Variants in MYH14 observed in about 807,000 individuals in gnomAD.
The protein encoded by MYH14 is myosin heavy chain 14, also known as myosin-14.
Under a neutral mutation model 255.5 loss-of-function variants are expected in MYH14, and 123 were observed. The ratio of observed to expected loss-of-function variants is 0.48; its 90% confidence interval spans 0.42 to 0.56. The LOEUF is 0.56. Among genes scored for constraint, MYH14 ranks in the 20% least tolerant of loss-of-function variants. The pLI is 0.00. For synonymous variants in MYH14, 1,095 were observed against 1,161.2 expected, an observed-to-expected ratio of 0.94 and a Z score of 1.16; for missense variants, 2,423 against 2,802.3, an observed-to-expected ratio of 0.86 and a Z score of 3.06.
Position 50,276,830 on chromosome 19 carries a change from G to A in MYH14, c.3754G>A (p.Val1252Met). 1 of 1,613,010 alleles carries A rather than the reference G, an allele frequency of 6.2e-7. No homozygotes were observed. The highest frequency in any genetic ancestry group is 8.5e-7 in the Non-Finnish European group (1 of 1,179,872). ...GGAGACTCGCATCCACGAGGCGGCA[G>A]TGCAGGAGCTGAGGCAGCGCCACGG... ...EEETRIHEAA[V>M]QELRQRHGQA... The change falls in exon 29 of 43, where the codon GTG becomes ATG. Residue 1252 changes from valine (V) to methionine (M), a missense_variant. Coordinates refer to ENST00000642316, the MANE Select transcript of MYH14 (RefSeq NM_001145809.2). The surrounding 1 kb of genome is among the most constrained non-coding windows in gnomAD (Gnocchi z 4.3).
At position 50,255,324 on chromosome 19, in the gene MYH14, T is replaced by C; in HGVS notation, c.2044+6T>C. 1 of 1,549,148 alleles carries C rather than the reference T, an allele frequency of 6.5e-7. No homozygotes were observed. Among genetic ancestry groups the C allele is most frequent in the Non-Finnish European group, 8.7e-7 (1 of 1,145,504 alleles). ...TGCTATTTCTCCGCCAGGGGGTGGG[T>C]GTCTCTGTGCATCGATGGGTGAGGC... On this transcript the variant is annotated splice_donor_region_variant and intron_variant, in intron 17 of 42. Transcript: ENST00000642316.
chr19:50,300,618 A>C (rs1211238398), intron 39 of MYH14, among the ~76,000 whole-genome samples: 5 of 151,692 alleles, frequency 3.3e-5, no homozygotes, highest in African/African-American at 1.2e-4. Context: ...TTGTGGTGGC[A>C]GGCACCTGTA....
intron 11 of MYH14, among the ~76,000 whole-genome samples, chr19:50,245,718 T>G (rs894363406): frequency 6.6e-6 from 1 of 152,192 alleles, no homozygotes; most frequent in African/African-American, 2.4e-5. Context: ...CAGGATGTAT[T>G]ACCCCACTAT....
In MYH14 at chr19:50,244,236, C is replaced by A. The variant is rs1415454113; in HGVS notation, c.1115-6C>A. On this transcript the variant is annotated splice_polypyrimidine_tract_variant and splice_region_variant and intron_variant, in intron 10 of 42. Coordinates refer to ENST00000642316, the MANE Select transcript of MYH14 (RefSeq NM_001145809.2). Reference sequence around the variant, plus strand: ...CCACACGTGACCTCTGTCCTTGCGTCCCCAGCCATGCTGCGGATGGTCTCA... The same window carrying A: ...CCACACGTGACCTCTGTCCTTGCGTACCCAGCCATGCTGCGGATGGTCTCA... 5.0e-6 allele frequency: 8 copies of A among 1,613,738 alleles called. No homozygotes were observed. The East Asian group carries it at 1.6e-4, about 31-fold the overall frequency.
At position 50,310,244 on chromosome 19, in the gene MYH14, G is replaced by A. The variant is rs2036815581; in HGVS notation, c.*454G>A. ...ACCATCTTTCTTGGCCTCTCTGAGG[G>A]TCTCTCTGTGCATCTTTTTAGGAAT... On this transcript the variant is annotated 3_prime_UTR_variant, in exon 43 of 43. Coordinates refer to ENST00000642316, the MANE Select transcript of MYH14 (RefSeq NM_001145809.2). 1 of 218,264 alleles carries A rather than the reference G, an allele frequency of 4.6e-6. No individual in the cohort carries two copies. Among genetic ancestry groups the A allele is most frequent in the South Asian group, 6.7e-5 (1 of 14,994 alleles). The allele number at this position is 218,264 out of a possible 1,614,324, so 13.5% of individuals were successfully genotyped here. A position where few individuals can be genotyped will look rare whatever the true frequency, so the allele number is the denominator to read the frequency against.
chr19:50,225,287 C>T (rs1191517592), intron 6 of MYH14, among the ~76,000 whole-genome samples: 1 of 152,180 alleles, frequency 6.6e-6, no homozygotes, highest in Non-Finnish European at 1.5e-5. Context: ...GCGTTTCTTC[C>T]TTAATTCATT....
At chr19:50,217,235 G>A (rs1327131557) in intron 2 of MYH14, among the ~76,000 whole-genome samples, 1 of 152,116 alleles carries the variant, frequency 6.6e-6, no homozygotes, top group Non-Finnish European at 1.5e-5. Flanking sequence ...GGAATGCATC[G>A]TATGAAGATG....
At chr19:50,222,877 G>C (rs1600878301) in intron 3 of MYH14, among the ~76,000 whole-genome samples, 1 of 152,200 alleles carries the variant, frequency 6.6e-6, no homozygotes, top group African/African-American at 2.4e-5. Context: ...GGCTCAGAGA[G>C]GGACAGCTGC....
In MYH14 at chr19:50,260,846, C is replaced by CGT. The variant is rs574429177; in HGVS notation, c.2424+141_2424+142dup. The CGT allele has an allele frequency of 1.1e-4, 75 of 696,410 alleles. 1 individual carries two copies. Among genetic ancestry groups the CGT allele is most frequent in the African/African-American group, 5.4e-4 (30 of 55,264 alleles). 43.1% of individuals were successfully genotyped at this position (696,410 alleles called of 1,614,324 possible). On this transcript the variant is annotated intron_variant, in intron 20 of 42. Transcript: ENST00000642316. ...AAGTGTGTGTGCATGCACGTGTGTG[C>CGT]GTGTGTGTGTGCATGCATATGTGTG...
At chr19:50,255,436 C>G in intron 17 of MYH14, 118 bp downstream of exon 17, 1 of 755,190 alleles carries the variant, frequency 1.3e-6, no homozygotes, top group Middle Eastern at 3.6e-4. Context: ...AGGTCTCTCA[C>G]TCTTCCTTTC....
chr19:50,243,611 G>C (rs372918824), intron 10 of MYH14, among the ~76,000 whole-genome samples: 1 of 152,188 alleles, frequency 6.6e-6, no homozygotes, highest in East Asian at 1.9e-4. Flanking sequence ...CTGGGCAACA[G>C]AGCAAGACCC....
Position 50,252,087 on chromosome 19 carries a change from C to A in MYH14, c.1831-552C>A, listed in dbSNP as rs1008463262. Among the ~76,000 whole-genome samples, 1 of 152,212 alleles carries A rather than the reference C, an allele frequency of 6.6e-6. No individual in the cohort carries two copies. The highest frequency in any genetic ancestry group is 1.5e-5 in the Non-Finnish European group (1 of 68,044). On this transcript the variant is annotated intron_variant, in intron 15 of 42. Transcript: ENST00000642316. This position sits in a 1 kb window ranked among gnomAD's most constrained non-coding sequence, Gnocchi z 4.2. Reference sequence around the variant, plus strand: ...GTGTTCTGTGTCTAGCCCTCAGTTTCTTCCCCAGACATACTCCAGAACTCC... The same window carrying A: ...GTGTTCTGTGTCTAGCCCTCAGTTTATTCCCCAGACATACTCCAGAACTCC...
chr19:50,249,198 T>A, intron 13 of MYH14, 59 bp downstream of exon 13: 1 of 1,497,152 alleles, frequency 6.7e-7, no homozygotes, highest in Non-Finnish European at 9.0e-7. Context: ...TGGTCCTTTC[T>A]GAAGCCCTGG....
In MYH14 at chr19:50,230,847, G is replaced by A; in HGVS notation, c.973+224G>A. 1 of 528,484 alleles carries A rather than the reference G, an allele frequency of 1.9e-6. No individual in the cohort carries two copies. Among genetic ancestry groups the A allele is most frequent in the Non-Finnish European group, 3.4e-6 (1 of 294,974 alleles). 32.7% of individuals were successfully genotyped at this position (528,484 alleles called of 1,614,324 possible). A position where few individuals can be genotyped will look rare whatever the true frequency, so the allele number is the denominator to read the frequency against. On this transcript the variant is annotated intron_variant, in intron 9 of 42. Transcript: ENST00000642316. The surrounding 1 kb of genome is among the most constrained non-coding windows in gnomAD (Gnocchi z 4.7). Reference sequence around the variant, plus strand: ...CAGCTCTGTCCCGGGTCTGGCTCGCGCCCGCTGTCACGGCCACGCAGCCCC... The same window carrying A: ...CAGCTCTGTCCCGGGTCTGGCTCGCACCCGCTGTCACGGCCACGCAGCCCC...
chr19:50,224,063 C>T, intron 5 of MYH14, 91 bp from the exon 6 acceptor site: 3 of 1,082,102 alleles, frequency 2.8e-6, no homozygotes, highest in Non-Finnish European at 2.8e-6. Flanking sequence ...CCCCCCATGC[C>T]ACCACCTGAG....
At chr19:50,225,085 A>G (rs965438561) in intron 6 of MYH14, among the ~76,000 whole-genome samples, 3 of 152,218 alleles carry the variant, frequency 2.0e-5, no homozygotes, top group Non-Finnish European at 4.4e-5. Flanking sequence ...CAGAATTTCT[A>G]CAAGCAACAC....
chr19:50,239,208 G>A (rs539131543), intron 10 of MYH14, among the ~76,000 whole-genome samples: 2 of 152,110 alleles, frequency 1.3e-5, no homozygotes, highest in South Asian at 4.1e-4. Context: ...TAGCAGAGAC[G>A]GGGTTTCTCC....
chr19:50,300,579 T>C lies in MYH14; in HGVS notation c.5470-1082T>C, dbSNP rs907945472. ...GCCTGACCAACATGGAGAAACCCCA[T>C]CTCTACAAAAAATACAAAAATTAGC... is the stretch of plus-strand genomic sequence containing the variant. On this transcript the variant is annotated intron_variant, in intron 39 of 42. Transcript: ENST00000642316. Among the ~76,000 whole-genome samples the C allele has an allele frequency of 2.6e-5, 4 of 152,012 alleles. No individual in the cohort carries two copies. The East Asian group carries it at 5.8e-4, about 22-fold the overall frequency.
In MYH14 at chr19:50,247,030, G is replaced by A. The variant is rs1035774765; in HGVS notation, c.1237G>A (p.Gly413Arg). ...TGCACAGAAGCTCTGCCGCCTCTTG[G>A]GACTGGGGGTGACGGATTTCTCCCG... Reference protein sequence around the residue: ...TAAQKLCRLLGLGVTDFSRAL... With the variant: ...TAAQKLCRLLRLGVTDFSRAL... The change falls in exon 12 of 43, where the codon GGA (glycine) becomes AGA (arginine). Residue 413 changes from glycine to arginine, a missense_variant. Physicochemically the swap from Gly to Arg is moderately radical, Grantham distance 125. Around this residue, in one of 3 missense-constraint regions of MYH14, gnomAD observed 672 missense variants for 881.8 expected, o/e 0.76. Transcript: ENST00000642316. 1.2e-6 allele frequency: 2 copies of A among 1,612,614 alleles called. No homozygotes were observed. Among genetic ancestry groups the A allele is most frequent in the African/African-American group, 2.7e-5 (2 of 74,860 alleles).
Sources: gnomAD v4.1 joint callset for allele counts (sites outside exome capture counted in the v4.1 genomes callset) on GRCh38, gnomAD v4.1.1 for gene constraint, gnomAD v4.1.1 regional missense constraint, Gnocchi (gnomAD v3.1) non-coding constraint, MANE v1.5 for transcripts, NCBI Gene and HGNC (gene_info 2026-07-23, HGNC 2026-07-21) for gene names.